Variants in DAAM1 observed in about 807,000 individuals in gnomAD.
DAAM1 encodes dishevelled associated activator of morphogenesis 1, also known as disheveled-associated activator of morphogenesis 1.
DAAM1 carries 52 observed loss-of-function variants against 130.0 expected under a neutral mutation model. The ratio of observed to expected loss-of-function variants is 0.40; its 90% CI spans 0.32 to 0.50. The LOEUF (loss-of-function observed/expected upper bound fraction) is 0.50, where lower values mean the gene tolerates loss of function less well. DAAM1 is among the 20% of genes least tolerant of loss of function. The pLI is 0.61. For missense variants in DAAM1, 1,134 were observed against 1,303.8 expected, an observed-to-expected ratio of 0.87 and a Z score of 2.01; for synonymous variants, 452 against 444.5, an observed-to-expected ratio of 1.02 and a Z score of -0.21.
At chr14:59,318,328 CCTCT>C (rs1425504091) in intron 4 of DAAM1, among the ~76,000 whole-genome samples, 1 of 151,860 alleles carries the variant, frequency 6.6e-6, no homozygotes, top group Admixed American at 6.6e-5. Flanking sequence ...CACATTTGTG[CCTCT>C]CTGTCAGACC....
At chr14:59,285,993 A>G (rs1384905061) in intron 2 of DAAM1, among the ~76,000 whole-genome samples, 1 of 152,124 alleles carries the variant, frequency 6.6e-6, no homozygotes, top group African/African-American at 2.4e-5. Context: ...CACATGGCAC[A>G]TACTCTAAGA....
In DAAM1 at chr14:59,228,383, T is replaced by C. The variant is rs568231108; in HGVS notation, c.-37-35058T>C. ...TTAGAAATGATACTCTTGCCCAGTA[T>C]TGTGTCTCCCTCCTCCGCTCCCCAA... On this transcript the variant is annotated intron_variant, in intron 1 of 24. Coordinates refer to ENST00000360909, the MANE Select transcript of DAAM1 (RefSeq NM_001270520.2). Among the ~76,000 whole-genome samples the C allele has an allele frequency of 3.3e-5, 5 of 152,302 alleles. No individual in the cohort carries two copies. The East Asian group carries it at 9.6e-4, about 29-fold the overall frequency.
In DAAM1 at chr14:59,370,219, TTTCTATTGATCCTG is replaced by T. The variant is rs1887111999; in HGVS notation, c.*1363_*1376del. On this transcript the variant is annotated 3_prime_UTR_variant, in exon 25 of 25. Transcript: ENST00000360909. ...TTGGGGGCTAACGTTTTCTCTTTTC[TTTCTATTGATCCTG>T]TTGTGGTTGGGTTTCCTGTGGAGAG... 6.6e-6 allele frequency: 1 copy of T among 151,036 alleles called. No homozygotes were observed. Among genetic ancestry groups the T allele is most frequent in the South Asian group, 2.1e-4 (1 of 4,778 alleles). 9.4% of individuals were successfully genotyped at this position (151,036 alleles called of 1,614,324 possible).
chr14:59,212,347 A>G (rs1888450932), intron 1 of DAAM1, among the ~76,000 whole-genome samples: 1 of 152,218 alleles, frequency 6.6e-6, no homozygotes, highest in Non-Finnish European at 1.5e-5. Flanking sequence ...TTCTTATACT[A>G]TCAGTTGTCA....
intron 1 of DAAM1, among the ~76,000 whole-genome samples, chr14:59,240,407 G>A (rs1889440186): frequency 6.6e-6 from 1 of 152,102 alleles, no homozygotes; most frequent in Non-Finnish European, 1.5e-5. Context: ...CATGAATCAG[G>A]GTTCTTCAAA....
At chr14:59,192,567 C>A (rs1444815476) in intron 1 of DAAM1, among the ~76,000 whole-genome samples, 2 of 152,144 alleles carry the variant, frequency 1.3e-5, no homozygotes, top group Non-Finnish European at 2.9e-5. Context: ...CTTGGGTTAG[C>A]AAACTTGTTT....
intron 3 of DAAM1, among the ~76,000 whole-genome samples, chr14:59,308,464 C>T (rs981893566): frequency 1.3e-5 from 2 of 151,926 alleles, no homozygotes; most frequent in Non-Finnish European, 2.9e-5. Flanking sequence ...CAAAAGCCAA[C>T]AAGTGCTTGA....
In DAAM1 at chr14:59,234,540, G is replaced by C. The variant is rs142399139; in HGVS notation, c.-37-28901G>C. ...GGAGTTTTTGGGCTGAGATGGTGGG[G>C]TTTTCTAAATATACAATCATGTCAT... On this transcript the variant is annotated intron_variant, in intron 1 of 24. Transcript: ENST00000360909. Among the ~76,000 whole-genome samples, 138 of 152,214 alleles carry C rather than the reference G, an allele frequency of 9.1e-4. 1 individual carries two copies. In the East Asian group the frequency reaches 0.024, roughly 26 times the overall value.
intron 2 of DAAM1, among the ~76,000 whole-genome samples, chr14:59,282,124 A>C (rs981010165): frequency 6.6e-6 from 1 of 152,052 alleles, no homozygotes; most frequent in African/African-American, 2.4e-5. Flanking sequence ...TCACTGTCCC[A>C]CCTTTCCCCA....
intron 1 of DAAM1, among the ~76,000 whole-genome samples, chr14:59,263,087 G>A (rs183906350): frequency 6.6e-6 from 1 of 152,318 alleles, no homozygotes; most frequent in Admixed American, 6.5e-5. Flanking sequence ...AGGAAGAGAA[G>A]GTCAGTCTTC....
intron 16 of DAAM1, among the ~76,000 whole-genome samples, chr14:59,344,100 A>G (rs575968732): frequency 6.6e-6 from 1 of 152,298 alleles, no homozygotes; most frequent in South Asian, 2.1e-4. Context: ...TTATATTGCA[A>G]AATGAACCCA....
intron 1 of DAAM1, among the ~76,000 whole-genome samples, chr14:59,204,674 G>T (rs1888207008): frequency 6.6e-6 from 1 of 152,162 alleles, no homozygotes; most frequent in Non-Finnish European, 1.5e-5. Flanking sequence ...GTCATATCAG[G>T]TAACGTACAT....
At chr14:59,321,555 T>G (rs562066487) in intron 5 of DAAM1, among the ~76,000 whole-genome samples, 5 of 152,372 alleles carry the variant, frequency 3.3e-5, no homozygotes, top group African/African-American at 1.2e-4. Flanking sequence ...TGCACTTTCA[T>G]TCCTTTAATG....
At chr14:59,307,695 A>C (rs1884425248) in intron 3 of DAAM1, among the ~76,000 whole-genome samples, 1 of 152,194 alleles carries the variant, frequency 6.6e-6, no homozygotes, top group Non-Finnish European at 1.5e-5. Flanking sequence ...AGGAGGTATC[A>C]GGCTTCATAT....
chr14:59,291,072 C>G (rs1343610320), intron 2 of DAAM1, 145 bp from the exon 3 acceptor site: 4 of 682,714 alleles, frequency 5.9e-6, no homozygotes, highest in Non-Finnish European at 9.4e-6. Context: ...GAAAAACATA[C>G]CTAACTTAGC....
At chr14:59,327,451 C>T in intron 12 of DAAM1, among the ~76,000 whole-genome samples, 1 of 118,160 alleles carries the variant, frequency 8.5e-6, no homozygotes, top group Non-Finnish European at 1.7e-5. Context: ...CTCTGTCACC[C>T]AGGCTGGAAT....
At chr14:59,368,284 C>T (rs1887004269) in intron 24 of DAAM1, among the ~76,000 whole-genome samples, 1 of 152,068 alleles carries the variant, frequency 6.6e-6, no homozygotes, top group Admixed American at 6.5e-5. Flanking sequence ...AGGAAAATGG[C>T]CTGATGACCA....
intron 1 of DAAM1, among the ~76,000 whole-genome samples, chr14:59,205,989 G>A (rs1398046214): frequency 6.6e-6 from 1 of 152,088 alleles, no homozygotes; most frequent in African/African-American, 2.4e-5. Flanking sequence ...TCAGCCTCCT[G>A]AGTAGCTGGG....
chr14:59,204,864 T>G (rs1888213718), intron 1 of DAAM1, among the ~76,000 whole-genome samples: 1 of 152,112 alleles, frequency 6.6e-6, no homozygotes, highest in African/African-American at 2.4e-5. Context: ...AAAACCTCTC[T>G]CTTAAAAAAA....
Sources: allele counts gnomAD v4.1 joint callset (sites outside exome capture counted in the v4.1 genomes callset), GRCh38; gene constraint gnomAD v4.1.1; transcripts MANE v1.5; gene names NCBI Gene and HGNC (gene_info 2026-07-23, HGNC 2026-07-21).